CAMKK2: variants seen among roughly 807,000 people sequenced by gnomAD.
CAMKK2 encodes the protein calcium/calmodulin dependent protein kinase kinase 2, also known as calcium/calmodulin-dependent protein kinase kinase 2.
In CAMKK2, 30 loss-of-function variants were observed where a neutral mutation model predicts 67.2. The ratio of observed to expected loss-of-function variants is 0.45; its 90% CI spans 0.33 to 0.61. The LOEUF is 0.61. CAMKK2 is among the 20% of genes least tolerant of loss of function. The pLI is 0.02. For missense variants in CAMKK2, 643 were observed against 802.0 expected (o/e 0.80, Z 2.39); for synonymous variants, 322 against 326.2 (o/e 0.99, Z 0.14).
intron 2 of CAMKK2, among the ~76,000 whole-genome samples, chr12:121,273,398 G>A (rs963023106): frequency 6.6e-6 from 1 of 152,096 alleles, no homozygotes. Context: ...ATGGCAGGAG[G>A]GATGGGAAAG....
intron 3 of CAMKK2, 30 bp from the exon 4 acceptor site, chr12:121,269,611 T>A: frequency 6.4e-7 from 1 of 1,570,680 alleles, no homozygotes; most frequent in Non-Finnish European, 8.7e-7. Context: ...CATGACATAC[T>A]ATCCAGAAGT....
chr12:121,291,814 T>A (rs1395492073), intron 1 of CAMKK2, among the ~76,000 whole-genome samples: 1 of 152,160 alleles, frequency 6.6e-6, no homozygotes, highest in African/African-American at 2.4e-5. Context: ...TCCCAGCACT[T>A]TGGGAGGCCG....
In CAMKK2 at chr12:121,296,448, C is replaced by T. The variant is rs1416277650; in HGVS notation, c.-60+190G>A. On this transcript the variant is annotated intron_variant, in intron 1 of 16. Coordinates refer to ENST00000404169, the MANE Select transcript of CAMKK2 (RefSeq NM_001270485.2). This position sits in a 1 kb window ranked among gnomAD's most constrained non-coding sequence, Gnocchi z 7.1. ...ACGCGGGGGAAGGGCTGTCGGGGAC[C>T]GTGTCCCTCCACGTGGCGGGGCGTG... is the stretch of plus-strand genomic sequence containing the variant. 6.6e-6 allele frequency among the ~76,000 whole-genome samples: 1 copy of T among 152,166 alleles called. No individual in the cohort carries two copies. The highest frequency in any genetic ancestry group is 1.5e-5 in the Non-Finnish European group (1 of 68,016).
intron 7 of CAMKK2, among the ~76,000 whole-genome samples, chr12:121,256,133 C>T (rs866154019): frequency 6.6e-6 from 1 of 152,244 alleles, no homozygotes. Context: ...AATCCCAACA[C>T]TCTGGGAGGC....
Position 121,240,824 on chromosome 12 carries a change from G to C in CAMKK2, c.1642C>G (p.Arg548Gly). The stretch of plus-strand genomic sequence containing the variant: ...ACAAGAGCACTTCCTCCTCCCCCAC[G>C]GGGGGCGGGTCGGTGCCCTGGAGGT... ...RQPPGHRPAP[R>G]GGGGSALVRG... The change falls in exon 17 of 17, where the codon CGT becomes GGT. Residue 548 changes from arginine to glycine, a missense_variant. Physicochemically the swap from Arg to Gly is moderately radical, Grantham distance 125 (BLOSUM62 -2). This residue lies in a region of CAMKK2 where 140 missense variants were observed against 124.2 expected (regional missense o/e 1.13). Transcript: ENST00000404169. This position sits in a 1 kb window ranked among gnomAD's most constrained non-coding sequence, Gnocchi z 4.4. 6.2e-7 allele frequency: 1 copy of C among 1,611,326 alleles called. No homozygotes were observed. The highest frequency in any genetic ancestry group is 8.5e-7 in the Non-Finnish European group (1 of 1,179,450).
chr12:121,250,094 C>A, intron 11 of CAMKK2, 60 bp from the exon 12 acceptor site: 13 of 1,327,202 alleles, frequency 9.8e-6, no homozygotes, highest in Non-Finnish European at 1.3e-5. Flanking sequence ...CCTTCGAGGG[C>A]CACCTGTGCT....
At chr12:121,248,471 G>A in intron 14 of CAMKK2, 135 bp downstream of exon 14, 1 of 971,604 alleles carries the variant, frequency 1.0e-6, no homozygotes, top group East Asian at 2.4e-5. Context: ...AAGGCCCAGA[G>A]GCCAGCAGCT....
intron 1 of CAMKK2, among the ~76,000 whole-genome samples, chr12:121,278,971 G>A (rs1323163793): frequency 6.6e-6 from 1 of 152,240 alleles, no homozygotes; most frequent in Non-Finnish European, 1.5e-5. Flanking sequence ...CTATCCTAGA[G>A]CTGCCTCTGA....
chr12:121,297,682 A>G, upstream of CAMKK2: 1 of 518,156 alleles, frequency 1.9e-6, no homozygotes. Context: ...GACCCTGCCA[A>G]ACAGCCAAAA....
Position 121,249,878 on chromosome 12 carries a change from G to C in CAMKK2, c.1236-4C>G. On this transcript the variant is annotated splice_region_variant and splice_polypyrimidine_tract_variant and intron_variant, in intron 12 of 16. Coordinates refer to ENST00000404169, the MANE Select transcript of CAMKK2 (RefSeq NM_001270485.2). ...CAAGTCCTCAGCTATGTCGGGCCTG[G>C]GGATGGAGAGGCGTCAGGGTGGCAG... 1.2e-6 allele frequency: 2 copies of C among 1,613,954 alleles called. No homozygotes were observed. The highest frequency in any genetic ancestry group is 2.7e-5 in the African/African-American group (2 of 75,054).
At chr12:121,250,603 C>T (rs1332633798) in intron 11 of CAMKK2, among the ~76,000 whole-genome samples, 1 of 152,074 alleles carries the variant, frequency 6.6e-6, no homozygotes, top group Non-Finnish European at 1.5e-5. Context: ...AAACAGACAA[C>T]CCCCAATGCC....
chr12:121,280,451 A>G (rs1021406217), intron 1 of CAMKK2, among the ~76,000 whole-genome samples: 5 of 152,224 alleles, frequency 3.3e-5, no homozygotes, highest in Non-Finnish European at 7.3e-5. Flanking sequence ...GCAATATGAA[A>G]TCTGAGCACC....
chr12:121,244,017 T>C (rs1228945496), intron 16 of CAMKK2: 9 of 1,557,678 alleles, frequency 5.8e-6, no homozygotes, highest in South Asian at 2.4e-5. Flanking sequence ...TCACCTGGGC[T>C]GGCTATGTGT....
chr12:121,276,029 G>A (rs1896734957), intron 1 of CAMKK2, among the ~76,000 whole-genome samples: 1 of 151,646 alleles, frequency 6.6e-6, no homozygotes, highest in Admixed American at 6.6e-5. Flanking sequence ...GTGTGGTGAT[G>A]TACACCTGTA....
chr12:121,243,714 GA>G, intron 16 of CAMKK2: 1 of 332,288 alleles, frequency 3.0e-6, no homozygotes. Flanking sequence ...TTGGGCTGAT[GA>G]AAATGTCGTA....
intron 16 of CAMKK2, among the ~76,000 whole-genome samples, chr12:121,241,565 C>A (rs558185952): frequency 6.6e-6 from 1 of 152,350 alleles, no homozygotes; most frequent in Non-Finnish European, 1.5e-5. Flanking sequence ...CGAGGGGAAT[C>A]CCCGAGCCTA....
At chr12:121,263,604 C>T (rs1893911979) in intron 6 of CAMKK2, among the ~76,000 whole-genome samples, 1 of 151,956 alleles carries the variant, frequency 6.6e-6, no homozygotes, top group African/African-American at 2.4e-5. Flanking sequence ...AAATATCTGA[C>T]AGAAAAACAA....
chr12:121,243,918 A>G, intron 16 of CAMKK2: 3 of 1,422,544 alleles, frequency 2.1e-6, no homozygotes, highest in Non-Finnish European at 2.8e-6. Flanking sequence ...TGGGGTCCCC[A>G]CCCACCACAG....
Position 121,274,500 on chromosome 12 carries a change from G to A in CAMKK2, c.27C>T (p.Pro9=), listed in dbSNP as rs1424010471. The stretch of plus-strand genomic sequence containing the variant: ...CCTGGGGGGCGGCCCGGTTGCTGCT[G>A]GGCTGGCTAGAGACACATGATGACA... MSSCVSSQ[P]SSNRAAPQDE... Residue 9 remains proline, a synonymous_variant, in exon 2 of 17, where the codon CCC becomes CCT. Coordinates refer to ENST00000404169, the MANE Select transcript of CAMKK2 (RefSeq NM_001270485.2). The A allele has an allele frequency of 5.0e-6, 8 of 1,612,034 alleles. No homozygotes were observed. The Admixed American group carries it at 1.2e-4, about 24-fold the overall frequency.
Sources: allele counts gnomAD v4.1 joint callset (sites outside exome capture counted in the v4.1 genomes callset), GRCh38; gene constraint gnomAD v4.1.1; regional missense constraint gnomAD v4.1.1; non-coding constraint Gnocchi (gnomAD v3.1); transcripts MANE v1.5; gene names NCBI Gene and HGNC (gene_info 2026-07-23, HGNC 2026-07-21).